The following BTN1A1 variants were observed in gnomAD, a reference collection of about 807,000 sequenced individuals.
The protein encoded by BTN1A1 is butyrophilin subfamily 1 member A1, also known as bK14H9.2 (butyrophilin, subfamily 1, member A1).
Under a neutral mutation model 33.1 loss-of-function variants are expected in BTN1A1, and 26 were observed. The ratio of observed to expected loss-of-function variants is 0.79; its 90% CI spans 0.58 to 1.09. The LOEUF (loss-of-function observed/expected upper bound fraction) is 1.09, where lower values mean the gene tolerates loss of function less well. BTN1A1 is among the 50% of genes least tolerant of loss of function. The pLI is 0.00. For synonymous variants in BTN1A1, 235 were observed against 256.2 expected (o/e 0.92, Z 0.79); for missense variants, 558 against 655.7 (o/e 0.85, Z 1.63).
At chr6:26,500,493 T>G (rs1353215358) in intron 1 of BTN1A1, among the ~76,000 whole-genome samples, 135 bp downstream of exon 1, 1 of 152,176 alleles carries the variant, frequency 6.6e-6, no homozygotes, top group Non-Finnish European at 1.5e-5. Flanking sequence ...TTGCTTCAGC[T>G]CCTGCTTCTT....
At chr6:26,507,206 A>G (rs2224379) in intron 5 of BTN1A1, among the ~76,000 whole-genome samples, 139,158 of 152,236 alleles carry the variant, frequency 0.91, 63,672 homozygotes, top group East Asian at 0.95. Flanking sequence ...GAGCGACAGA[A>G]TAAGACTCCG....
intron 1 of BTN1A1, among the ~76,000 whole-genome samples, 45 bp downstream of exon 1, chr6:26,500,403 C>T (rs995834991): frequency 3.9e-5 from 6 of 152,090 alleles, no homozygotes; most frequent in African/African-American, 1.2e-4. Context: ...GAGTGAGCAG[C>T]CAGAGGGGCA....
At position 26,508,976 on chromosome 6, in the gene BTN1A1, C is replaced by T. The variant is rs750814109; in HGVS notation, c.1383C>T (p.Cys461=). 1 of 1,614,226 alleles carries T rather than the reference C, an allele frequency of 6.2e-7. No individual in the cohort carries two copies. Among genetic ancestry groups the T allele is most frequent in the South Asian group, 1.1e-5 (1 of 91,084 alleles). ...CTGGCCCCCTCCGGCCCTTCTTTTG[C>T]CTATGGTCTAGCGGTAAAAAGCCCC... ...TFSGPLRPFF[C]LWSSGKKPLT... The change falls in exon 8 of 8, where the codon TGC becomes TGT. Residue 461 remains cysteine (C), a synonymous_variant. Transcript: ENST00000684113.
intron 3 of BTN1A1, 84 bp downstream of exon 3, chr6:26,502,021 G>A: frequency 2.1e-6 from 3 of 1,448,136 alleles, no homozygotes; most frequent in Non-Finnish European, 2.7e-6. Context: ...GAAACCATCA[G>A]ATTCATTCTC....
rs1452416073 is a variant in BTN1A1 at position 26,506,809 on chromosome 6, G to A, written c.836G>A (p.Arg279Lys). The change falls in exon 5 of 8, where the codon AGG becomes AAG. Residue 279 changes from arginine to lysine, a missense_variant. Physicochemically the swap from Arg to Lys is conservative, Grantham distance 26 (BLOSUM62 2). Coordinates refer to ENST00000684113, the MANE Select transcript of BTN1A1 (RefSeq NM_001732.3). ...WRLYNERPRE[R>K]RNEFSSKERL... ...CTATACAACGAAAGACCCAGAGAGA[G>A]GAGGAATGAATTCAGCTCTAAAGGT... 3 of 1,614,028 alleles carry A rather than the reference G, an allele frequency of 1.9e-6. No homozygotes were observed. The highest frequency in any genetic ancestry group is 2.2e-5 in the East Asian group (1 of 44,894).
chr6:26,501,464 CCAGA>C lies in BTN1A1; in HGVS notation c.79+102_79+105del. On this transcript the variant is annotated intron_variant, in intron 2 of 7. Transcript: ENST00000684113. The surrounding 1 kb of genome is among the most constrained non-coding windows in gnomAD (Gnocchi z 5.2). The stretch of plus-strand genomic sequence containing the variant: ...CTCTCCCTGGAGACCTCCACTGGAT[CCAGA>C]CAAACTCAGCTGTCAAAGGAGTAAG... The C allele has an allele frequency of 1.3e-6, 2 of 1,570,630 alleles. No homozygotes were observed. Among genetic ancestry groups the C allele is most frequent in the South Asian group, 2.2e-5 (2 of 89,520 alleles).
Position 26,501,213 on chromosome 6 carries a change from G to A in BTN1A1, c.-57-17G>A. On this transcript the variant is annotated splice_polypyrimidine_tract_variant and intron_variant, in intron 1 of 7. Transcript: ENST00000684113. This position sits in a 1 kb window ranked among gnomAD's most constrained non-coding sequence, Gnocchi z 5.2. ...TTGACAGAGCCGGTAGTTGTCTCCT[G>A]TCCATTCATCTCCTAGGCTGAAGCT... is the stretch of plus-strand genomic sequence containing the variant. 8.0e-7 allele frequency: 1 copy of A among 1,252,806 alleles called. No individual in the cohort carries two copies. Among genetic ancestry groups the A allele is most frequent in the Non-Finnish European group, 1.2e-6 (1 of 854,974 alleles). The allele number at this position is 1,252,806 out of a possible 1,614,324, so 77.6% of individuals were successfully genotyped here.
At position 26,508,744 on chromosome 6, in the gene BTN1A1, T is replaced by C; in HGVS notation, c.1151T>C (p.Phe384Ser). The C allele has an allele frequency of 1.2e-6, 2 of 1,614,060 alleles. No homozygotes were observed. The highest frequency in any genetic ancestry group is 8.5e-7 in the Non-Finnish European group (1 of 1,179,992). The change falls in exon 8 of 8, where the codon TTT becomes TCT. Residue 384 changes from phenylalanine to serine, a missense_variant. Coordinates refer to ENST00000684113, the MANE Select transcript of BTN1A1 (RefSeq NM_001732.3). ...VCRENVMKKG[F>S]DPMTPENGFW... is the part of the protein sequence containing the mutation. ...AGGGAGAATGTGATGAAGAAAGGAT[T>C]TGACCCCATGACTCCTGAGAATGGG...
chr6:26,501,786 C>T lies in BTN1A1; in HGVS notation c.276C>T (p.Arg92=). The change falls in exon 3 of 8, where the codon CGC becomes CGT. Residue 92 remains arginine (R), a synonymous_variant. Coordinates refer to ENST00000684113, the MANE Select transcript of BTN1A1 (RefSeq NM_001732.3). The surrounding 1 kb of genome is among the most constrained non-coding windows in gnomAD (Gnocchi z 5.2). The part of the protein sequence containing the change: ...EQEAEQMPEY[R]GRATLVQDGI... ...AAGCCGAGCAGATGCCCGAGTACCG[C>T]GGGCGGGCGACGCTGGTCCAGGACG... 1 of 1,613,602 alleles carries T rather than the reference C, an allele frequency of 6.2e-7. No homozygotes were observed. Among genetic ancestry groups the T allele is most frequent in the Non-Finnish European group, 8.5e-7 (1 of 1,179,912 alleles).
rs1258322714 is a variant in BTN1A1, at chr6:26,506,660, CCTTCTT to C, written c.710-22_710-17del. ...TTGCTCAGAATTTCTCAACTAATGT[CCTTCTT>C]GGGGATTTTGTTTTAGCTTCCTCCC... On this transcript the variant is annotated splice_polypyrimidine_tract_variant and intron_variant, in intron 4 of 7. Transcript: ENST00000684113. The C allele has an allele frequency of 6.2e-7, 1 of 1,611,802 alleles. No homozygotes were observed. Among genetic ancestry groups the C allele is most frequent in the Non-Finnish European group, 8.5e-7 (1 of 1,179,246 alleles).
chr6:26,508,511 T>C lies in BTN1A1; in HGVS notation c.918T>C (p.Thr306=), dbSNP rs1237431056. ...TTTCTTTCTCTCCAGTTGATGTGAC[T>C]CTGGACCCAGACACAGCTCATCCCC... ...KKATLHAVDV[T]LDPDTAHPHL... The change falls in exon 8 of 8, where the codon ACT becomes ACC. Residue 306 remains threonine (T), a synonymous_variant. Transcript: ENST00000684113. 1 of 1,612,164 alleles carries C rather than the reference T, an allele frequency of 6.2e-7. No individual in the cohort carries two copies. The highest frequency in any genetic ancestry group is 1.3e-5 in the African/African-American group (1 of 74,914).
rs561298051 is a variant in BTN1A1 at position 26,509,738 on chromosome 6, A to G, written c.*564A>G. ...GCAAATTTTCTAAGCCACGTCCTAT[A>G]GGACAGAGGAGACTGGCCCCACTTC... On this transcript the variant is annotated 3_prime_UTR_variant, in exon 8 of 8. Transcript: ENST00000684113. 6.5e-6 allele frequency: 1 copy of G among 154,112 alleles called. No individual in the cohort carries two copies. The highest frequency in any genetic ancestry group is 1.4e-5 in the Non-Finnish European group (1 of 69,376). 9.5% of individuals were successfully genotyped at this position (154,112 alleles called of 1,614,324 possible).
rs1763853087 is a variant in BTN1A1 at position 26,505,146 on chromosome 6, T to C, written c.649T>C (p.Ser217Pro). ...IIRDTSAKNVSCYIQNLLLGQ... is the reference protein window; with the variant it reads ...IIRDTSAKNVPCYIQNLLLGQ... ...CAGAGACACTTCTGCGAAAAATGTG[T>C]CCTGCTACATCCAGAATCTCCTTCT... The change falls in exon 4 of 8, where the codon TCC (serine) becomes CCC (proline). Residue 217 changes from serine to proline, a missense_variant. Physicochemically the swap from Ser to Pro is moderately conservative, Grantham distance 74. Transcript: ENST00000684113. The C allele has an allele frequency of 6.2e-7, 1 of 1,613,956 alleles. No individual in the cohort carries two copies. Among genetic ancestry groups the C allele is most frequent in the Non-Finnish European group, 8.5e-7 (1 of 1,179,840 alleles).
In BTN1A1 at chr6:26,501,665, T is replaced by A. The variant is rs528661977; in HGVS notation, c.155T>A (p.Leu52Gln). Reference protein sequence around the residue: ...VGEDAELPCRLSPNASAEHLE... With the variant: ...VGEDAELPCRQSPNASAEHLE... ...GAGGACGCCGAGCTGCCCTGTCGCC[T>A]GTCTCCGAACGCGAGCGCCGAGCAC... Residue 52 changes from leucine (L) to glutamine (Q), a missense_variant, in exon 3 of 8, where the codon CTG becomes CAG. Leu to Gln is a moderately radical substitution (Grantham distance 113). Coordinates refer to ENST00000684113, the MANE Select transcript of BTN1A1 (RefSeq NM_001732.3). This position sits in a 1 kb window ranked among gnomAD's most constrained non-coding sequence, Gnocchi z 5.2. 2 of 1,614,010 alleles carry A rather than the reference T, an allele frequency of 1.2e-6. No individual in the cohort carries two copies.
chr6:26,508,719 A>G lies in BTN1A1; in HGVS notation c.1126A>G (p.Arg376Gly). The G allele has an allele frequency of 6.2e-7, 1 of 1,614,106 alleles. No homozygotes were observed. The highest frequency in any genetic ancestry group is 8.5e-7 in the Non-Finnish European group (1 of 1,180,018). Residue 376 changes from arginine to glycine, a missense_variant, in exon 8 of 8, where the codon AGG becomes GGG. Arg to Gly is a moderately radical substitution (Grantham distance 125). Transcript: ENST00000684113. ...DRTDWAIGVC[R>G]ENVMKKGFDP... is the part of the protein sequence containing the mutation. ...GACTGACTGGGCAATCGGCGTGTGT[A>G]GGGAGAATGTGATGAAGAAAGGATT...
chr6:26,507,897 C>T, intron 5 of BTN1A1, 53 bp from the exon 6 acceptor site: 1 of 1,600,674 alleles, frequency 6.2e-7, no homozygotes, highest in Non-Finnish European at 8.5e-7. Context: ...GTTTTGTCCC[C>T]TCCTTTACGT....
intron 5 of BTN1A1, 65 bp from the exon 6 acceptor site, chr6:26,507,885 G>A (rs1055118035): frequency 7.2e-6 from 11 of 1,533,084 alleles, no homozygotes; most frequent in Non-Finnish European, 9.0e-6. Flanking sequence ...TTTCCCACAC[G>A]AGTTTTGTCC....
rs530117556 is a variant in BTN1A1, at chr6:26,508,983, T to C, written c.1390T>C (p.Ser464Pro). 7 of 1,614,232 alleles carry C rather than the reference T, an allele frequency of 4.3e-6. No homozygotes were observed. The African/African-American group carries it at 9.3e-5, about 22-fold the overall frequency. The change falls in exon 8 of 8, where the codon TCT becomes CCT. Residue 464 changes from serine (S) to proline (P), a missense_variant. Ser to Pro is a moderately conservative substitution (Grantham distance 74). Coordinates refer to ENST00000684113, the MANE Select transcript of BTN1A1 (RefSeq NM_001732.3). ...CCTCCGGCCCTTCTTTTGCCTATGG[T>C]CTAGCGGTAAAAAGCCCCTGACCAT... ...GPLRPFFCLW[S>P]SGKKPLTICP...
In BTN1A1 at chr6:26,509,272, T is replaced by A. The variant is rs1179089859; in HGVS notation, c.*98T>A. ...TAGCTTTACCCAGTCTGTTTCTTCC[T>A]GTTGGGTGGCAATTAATTAATCCTG... On this transcript the variant is annotated 3_prime_UTR_variant, in exon 8 of 8. Transcript: ENST00000684113. The A allele has an allele frequency of 8.6e-7, 1 of 1,164,570 alleles. No individual in the cohort carries two copies. The highest frequency in any genetic ancestry group is 1.2e-6 in the Non-Finnish European group (1 of 824,064). The allele number at this position is 1,164,570 out of a possible 1,614,324, so 72.1% of individuals were successfully genotyped here. A position where few individuals can be genotyped will look rare whatever the true frequency, so the allele number is the denominator to read the frequency against.
Sources: allele counts gnomAD v4.1 joint callset (sites outside exome capture counted in the v4.1 genomes callset), GRCh38; gene constraint gnomAD v4.1.1; non-coding constraint Gnocchi (gnomAD v3.1); transcripts MANE v1.5; gene names NCBI Gene and HGNC (gene_info 2026-07-23, HGNC 2026-07-21).